CERT1: variants seen among roughly 807,000 people sequenced by gnomAD.
CERT1 encodes the protein ceramide transfer protein.
Under a neutral mutation model 87.9 loss-of-function variants are expected in CERT1, and 31 were observed. The ratio of observed to expected loss-of-function variants is 0.35; its 90% CI spans 0.27 to 0.48. The LOEUF (loss-of-function observed/expected upper bound fraction) is 0.48. Among genes scored for constraint, CERT1 ranks in the 20% least tolerant of loss-of-function variants. The pLI is 0.99. For synonymous variants in CERT1, 289 were observed against 250.9 expected, an observed-to-expected ratio of 1.15 and a Z score of -1.44; for missense variants, 487 against 758.0, an observed-to-expected ratio of 0.64 and a Z score of 4.20.
chr5:75,494,299 C>T lies in CERT1; in HGVS notation c.231+11683G>A, dbSNP rs113764464. On this transcript the variant is annotated intron_variant, in intron 2 of 16. Transcript: ENST00000643780. ...TGTTATCTTTAGGTCAAAACTTTTA[C>T]GCTGGTCAGATTCTTAGAAAAGACC... is the stretch of plus-strand genomic sequence containing the variant. Among the ~76,000 whole-genome samples, 542 of 152,268 alleles carry T rather than the reference C, an allele frequency of 3.6e-3. 3 individuals are homozygous for T. Among genetic ancestry groups the T allele is most frequent in the Admixed American group, 6.1e-3 (94 of 15,292 alleles).
chr5:75,428,586 G>A (rs1011253903), intron 3 of CERT1, among the ~76,000 whole-genome samples: 2 of 151,932 alleles, frequency 1.3e-5, no homozygotes. Flanking sequence ...GCTGAGGCAG[G>A]AGAATGGCAT....
intron 9 of CERT1, chr5:75,402,102 CTT>C (rs1762519880): frequency 6.6e-6 from 1 of 152,132 alleles, no homozygotes; most frequent in Non-Finnish European, 1.5e-5. Flanking sequence ...TTAAGAAATA[CTT>C]TTCTTCAATT....
At chr5:75,467,667 A>AAG (rs1554043729) in intron 2 of CERT1, among the ~76,000 whole-genome samples, 5 of 149,586 alleles carry the variant, frequency 3.3e-5, no homozygotes, top group East Asian at 4.0e-4. Flanking sequence ...AAAAAAAAAA[A>AAG]GTAGCATAAG....
At chr5:75,425,265 A>G (rs1342738723) in intron 5 of CERT1, 96 bp downstream of exon 5, 2 of 1,240,960 alleles carry the variant, frequency 1.6e-6, no homozygotes, top group Admixed American at 4.7e-5. Context: ...AATGACTATA[A>G]ACACCTTTAT....
chr5:75,453,546 A>C (rs1332515693), intron 3 of CERT1, among the ~76,000 whole-genome samples: 1 of 152,188 alleles, frequency 6.6e-6, no homozygotes, highest in African/African-American at 2.4e-5. Flanking sequence ...GGTCAGAAAG[A>C]CCTAGGTCTG....
At chr5:75,416,019 A>G (rs1763119999) in intron 7 of CERT1, among the ~76,000 whole-genome samples, 1 of 152,200 alleles carries the variant, frequency 6.6e-6, no homozygotes. Context: ...CTAAACACAT[A>G]GTGCTATCAT....
chr5:75,405,402 G>A (rs1218642273), intron 8 of CERT1, among the ~76,000 whole-genome samples: 3 of 152,036 alleles, frequency 2.0e-5, no homozygotes, highest in Non-Finnish European at 2.9e-5. Flanking sequence ...TATATCCAAC[G>A]CTTCAGTCAT....
intron 11 of CERT1, among the ~76,000 whole-genome samples, chr5:75,393,035 A>C (rs112689366): frequency 1.3e-3 from 189 of 151,076 alleles, no homozygotes; most frequent in Non-Finnish European, 1.9e-3. Context: ...TTCATTAAAA[A>C]AAAAACAAAA....
rs1051625983 is a variant in CERT1 at position 75,454,568 on chromosome 5, G to C, written c.348+4497C>G. Reference sequence around the variant, plus strand: ...TGCATTTGGCCCAGGAACTGCTAACGAACATACAGTGCGGTGGTGTTTCAA... The same window carrying C: ...TGCATTTGGCCCAGGAACTGCTAACCAACATACAGTGCGGTGGTGTTTCAA... On this transcript the variant is annotated intron_variant, in intron 3 of 16. Transcript: ENST00000643780. Among the ~76,000 whole-genome samples, 5 of 152,266 alleles carry C rather than the reference G, an allele frequency of 3.3e-5. No homozygotes were observed. The South Asian group carries it at 1.0e-3, about 32-fold the overall frequency.
chr5:75,470,193 G>T (rs1018169082), intron 2 of CERT1, among the ~76,000 whole-genome samples: 1 of 152,030 alleles, frequency 6.6e-6, no homozygotes, highest in Non-Finnish European at 1.5e-5. Context: ...ACTATACTCT[G>T]GACCAAATGG....
intron 7 of CERT1, among the ~76,000 whole-genome samples, chr5:75,414,528 C>A (rs1253056037): frequency 1.3e-5 from 2 of 152,092 alleles, no homozygotes; most frequent in African/African-American, 4.8e-5. Flanking sequence ...AATGTATCTT[C>A]AATGAACAGG....
intron 2 of CERT1, among the ~76,000 whole-genome samples, chr5:75,481,209 G>T (rs1172380413): frequency 6.6e-6 from 1 of 152,136 alleles, no homozygotes; most frequent in Non-Finnish European, 1.5e-5. Context: ...CTTTACAACT[G>T]CTGTTCCTTC....
At chr5:75,464,255 C>T (rs1049787806) in intron 2 of CERT1, among the ~76,000 whole-genome samples, 2 of 152,058 alleles carry the variant, frequency 1.3e-5, no homozygotes, top group South Asian at 2.1e-4. Context: ...GAGGTTAAGG[C>T]ATGGATGGAG....
chr5:75,414,520 T>C (rs1189947634), intron 7 of CERT1, among the ~76,000 whole-genome samples: 2 of 152,044 alleles, frequency 1.3e-5, no homozygotes, highest in Non-Finnish European at 2.9e-5. Context: ...TGTAAGAAAA[T>C]GTATCTTCAA....
At chr5:75,490,744 C>A (rs1178394504) in intron 2 of CERT1, among the ~76,000 whole-genome samples, 1 of 152,178 alleles carries the variant, frequency 6.6e-6, no homozygotes, top group Non-Finnish European at 1.5e-5. Flanking sequence ...ATGATCCGCC[C>A]ACCTCGGCCT....
In CERT1 at chr5:75,379,288, C is replaced by A; in HGVS notation, c.*58G>T. On this transcript the variant is annotated 3_prime_UTR_variant, in exon 17 of 17. Transcript: ENST00000643780. ...ACAACTAAATTTTAGTATTGACAGT[C>A]ATATTAGTCAAATAAAGTTAAAAAA... is the stretch of plus-strand genomic sequence containing the variant. The A allele has an allele frequency of 7.1e-7, 1 of 1,399,776 alleles. No homozygotes were observed. Among genetic ancestry groups the A allele is most frequent in the South Asian group, 1.3e-5 (1 of 79,408 alleles). The allele number at this position is 1,399,776 out of a possible 1,614,324, so 86.7% of individuals were successfully genotyped here. A position where few individuals can be genotyped will look rare whatever the true frequency, so the allele number is the denominator to read the frequency against.
In CERT1 at chr5:75,434,844, G is replaced by C. The variant is rs576439351; in HGVS notation, c.349-8366C>G. On this transcript the variant is annotated intron_variant, in intron 3 of 16. Coordinates refer to ENST00000643780, the MANE Select transcript of CERT1 (RefSeq NM_001379029.1). ...TGGGATGAGTGGTAATGTCACCTTT[G>C]TCATTTCTAAGTGTGTTTATTTGGA... 9.9e-5 allele frequency among the ~76,000 whole-genome samples: 15 copies of C among 152,012 alleles called. No individual in the cohort carries two copies. The South Asian group carries it at 2.3e-3, about 23-fold the overall frequency.
At chr5:75,375,669 TAA>T (rs1761275094), downstream of CERT1, 1 of 147,718 alleles carries the variant, frequency 6.8e-6, no homozygotes, top group African/African-American at 2.5e-5. Context: ...AATATATATA[TAA>T]AGTTTTTACT....
intron 8 of CERT1, 116 bp from the exon 9 acceptor site, chr5:75,403,174 T>C (rs544135570): frequency 7.1e-6 from 5 of 699,494 alleles, no homozygotes; most frequent in Non-Finnish European, 1.3e-5. Context: ...ATTGAACACA[T>C]ATTTACAAAG....
Sources: allele counts gnomAD v4.1 joint callset (sites outside exome capture counted in the v4.1 genomes callset), GRCh38; gene constraint gnomAD v4.1.1; transcripts MANE v1.5; gene names NCBI Gene and HGNC (gene_info 2026-07-23, HGNC 2026-07-21).